SPATA6: variants seen among roughly 807,000 people sequenced by gnomAD.
SPATA6 encodes the protein spermatogenesis-associated protein 6.
A neutral mutation model predicts 65.3 loss-of-function variants in SPATA6; 56 were observed. The ratio of observed to expected loss-of-function variants is 0.86; its 90% CI spans 0.69 to 1.07. The LOEUF (loss-of-function observed/expected upper bound fraction) is 1.07, where lower values mean the gene tolerates loss of function less well. Ranked by LOEUF, SPATA6 falls within the 50% of genes least tolerant of loss-of-function variation. SPATA6 has a pLI of 0.00. For synonymous variants in SPATA6, 199 were observed against 213.2 expected, an observed-to-expected ratio of 0.93 and a Z score of 0.58; for missense variants, 590 against 594.8, an observed-to-expected ratio of 0.99 and a Z score of 0.08.
At chr1:48,389,346 A>G (rs1020644916) in intron 8 of SPATA6, among the ~76,000 whole-genome samples, 1 of 152,230 alleles carries the variant, frequency 6.6e-6, no homozygotes, top group South Asian at 2.1e-4. Context: ...AGAGAATATA[A>G]GAGTTCCAAA....
chr1:48,302,789 A>C (rs1013964331), intron 12 of SPATA6, among the ~76,000 whole-genome samples: 2 of 152,082 alleles, frequency 1.3e-5, no homozygotes, highest in Non-Finnish European at 2.9e-5. Flanking sequence ...GAACTTTATC[A>C]AGGCCAGCCA....
intron 3 of SPATA6, among the ~76,000 whole-genome samples, chr1:48,424,122 A>G (rs1653618401): frequency 6.6e-6 from 1 of 152,132 alleles, no homozygotes; most frequent in Admixed American, 6.5e-5. Flanking sequence ...GTACCCATTA[A>G]CCATTCCCAC....
In SPATA6 at chr1:48,452,943, A is replaced by G. The variant is rs1239727779; in HGVS notation, c.189+51T>C. 3 of 1,575,724 alleles carry G rather than the reference A, an allele frequency of 1.9e-6. No individual in the cohort carries two copies. The African/African-American group carries it at 4.1e-5, about 22-fold the overall frequency. On this transcript the variant is annotated intron_variant, in intron 2 of 12. Transcript: ENST00000371847. ...TTATAGGCTTTTATTCAAAAATTGG[A>G]ACCACTTTGATGTTTTGTTTGTTAA...
At chr1:48,452,699 A>G (rs1656687442) in intron 2 of SPATA6, among the ~76,000 whole-genome samples, 1 of 152,194 alleles carries the variant, frequency 6.6e-6, no homozygotes, top group African/African-American at 2.4e-5. Context: ...ATTCTTATCT[A>G]TTAATGACTT....
intron 9 of SPATA6, among the ~76,000 whole-genome samples, chr1:48,378,605 A>G (rs1648198572): frequency 6.6e-6 from 1 of 152,204 alleles, no homozygotes; most frequent in Non-Finnish European, 1.5e-5. Context: ...ATGAGGAAGA[A>G]GCAAAAGCGG....
chr1:48,459,945 C>T (rs376740369), intron 1 of SPATA6, among the ~76,000 whole-genome samples: 1 of 151,934 alleles, frequency 6.6e-6, no homozygotes, highest in East Asian at 1.9e-4. Flanking sequence ...GAAAACACAA[C>T]GTATCAAAAT....
chr1:48,291,587 C>A (rs1049817821), downstream of SPATA6, among the ~76,000 whole-genome samples: 2 of 152,186 alleles, frequency 1.3e-5, no homozygotes, highest in African/African-American at 4.8e-5. Context: ...CCTCTGTGCC[C>A]ACCTGCCCCC....
At chr1:48,423,476 A>AG (rs1446813412) in intron 3 of SPATA6, among the ~76,000 whole-genome samples, 1 of 150,954 alleles carries the variant, frequency 6.6e-6, no homozygotes, top group Non-Finnish European at 1.5e-5. Flanking sequence ...AAAAAAAAAA[A>AG]CAGAAAAATG....
chr1:48,358,220 A>G (rs942182400), intron 10 of SPATA6, among the ~76,000 whole-genome samples: 6 of 152,180 alleles, frequency 3.9e-5, no homozygotes, highest in Non-Finnish European at 8.8e-5. Flanking sequence ...AAAAGCTGGA[A>G]CAAAATTGCA....
At chr1:48,431,538 A>C (rs1435093539) in intron 3 of SPATA6, among the ~76,000 whole-genome samples, 2 of 152,204 alleles carry the variant, frequency 1.3e-5, no homozygotes, top group African/African-American at 4.8e-5. Flanking sequence ...GGTAGACCAC[A>C]AATTAAATTT....
chr1:48,435,993 T>G, intron 3 of SPATA6: 1 of 1,606,666 alleles, frequency 6.2e-7, no homozygotes, highest in Non-Finnish European at 8.5e-7. Flanking sequence ...GCTTCTGCAC[T>G]TCAAGAACAC....
At chr1:48,442,687 C>T (rs1191027702) in intron 3 of SPATA6, among the ~76,000 whole-genome samples, 1 of 66,644 alleles carries the variant, frequency 1.5e-5, no homozygotes, top group African/African-American at 5.9e-5. Flanking sequence ...AAGAGAAAGA[C>T]AAGTCAAAGA....
rs765607912 is a variant in SPATA6, at chr1:48,305,878, C to A, written c.1195G>T (p.Asp399Tyr). 6 of 1,609,974 alleles carry A rather than the reference C, an allele frequency of 3.7e-6. No homozygotes were observed. The South Asian group carries it at 5.5e-5, about 15-fold the overall frequency. The change falls in exon 12 of 13, where the codon GAT becomes TAT. Residue 399 changes from aspartate to tyrosine, a missense_variant and splice_region_variant. Asp to Tyr is a radical substitution (Grantham distance 160, BLOSUM62 -3). Coordinates refer to ENST00000371847, the MANE Select transcript of SPATA6 (RefSeq NM_019073.4). ...SHQAHQRHLYDERDLEKDDEL... is the reference protein window; with the variant it reads ...SHQAHQRHLYYERDLEKDDEL... ...TCATCTTTCTCTAGGTCTCTCTCAT[C>A]CTGAAAAATTTTAAAGATTTCCATT...
the SPATA6 span, among the ~76,000 whole-genome samples, chr1:48,279,418 T>C: frequency 2.0e-5 from 3 of 152,198 alleles, no homozygotes; most frequent in Non-Finnish European, 4.4e-5. Context: ...TCCATCAGTG[T>C]GCTGTATTCA....
intron 3 of SPATA6, chr1:48,436,133 C>T: frequency 6.2e-7 from 1 of 1,610,318 alleles, no homozygotes. Context: ...ACCAACGTTT[C>T]TCACTACGAG....
intron 1 of SPATA6, among the ~76,000 whole-genome samples, 178 bp from the exon 2 acceptor site, chr1:48,453,309 A>T (rs1656745553): frequency 1.3e-5 from 2 of 152,250 alleles, no homozygotes; most frequent in African/African-American, 4.8e-5. Context: ...AAATGCTTTT[A>T]TAACTTCCAT....
chr1:48,430,330 T>A (rs1654282007), intron 3 of SPATA6, among the ~76,000 whole-genome samples: 1 of 152,066 alleles, frequency 6.6e-6, no homozygotes, highest in Admixed American at 6.5e-5. Flanking sequence ...TAGGCTCGTA[T>A]ATACAAAATA....
the SPATA6 span, among the ~76,000 whole-genome samples, chr1:48,278,612 C>T: frequency 1.3e-4 from 19 of 151,980 alleles, no homozygotes; most frequent in Middle Eastern, 3.4e-3. Context: ...TGAAATGAAG[C>T]GAGAAGGGAA....
At chr1:48,388,220 C>G (rs1047918680) in intron 8 of SPATA6, among the ~76,000 whole-genome samples, 11 of 151,870 alleles carry the variant, frequency 7.2e-5, no homozygotes, top group Non-Finnish European at 8.8e-5. Context: ...GTCTCAGATA[C>G]CACGGATGCT....
Sources: allele counts gnomAD v4.1 joint callset (sites outside exome capture counted in the v4.1 genomes callset), GRCh38; gene constraint gnomAD v4.1.1; transcripts MANE v1.5; gene names NCBI Gene and HGNC (gene_info 2026-07-23, HGNC 2026-07-21).